The following SACS variants were observed in gnomAD, a reference collection of about 807,000 sequenced individuals.
SACS encodes the protein sacsin.
A neutral mutation model predicts 348.0 loss-of-function variants in SACS; 197 were observed. The observed-to-expected ratio is 0.57, with a 90% CI of 0.50 to 0.64. The LOEUF is 0.64. Among genes scored for constraint, SACS ranks in the 30% least tolerant of loss-of-function variants. The pLI, the probability that SACS is intolerant of heterozygous loss-of-function variation, is 0.00. For synonymous variants in SACS, 1,985 were observed against 1,910.6 expected, an observed-to-expected ratio of 1.04 and a Z score of -1.02; for missense variants, 4,999 against 5,360.8, an observed-to-expected ratio of 0.93 and a Z score of 2.11.
intron 2 of SACS, among the ~76,000 whole-genome samples, chr13:23,403,239 T>C (rs541821919): frequency 3.2e-4 from 49 of 152,244 alleles, no homozygotes; most frequent in Middle Eastern, 3.4e-3. Flanking sequence ...AACTCACGTC[T>C]CTGCCAGGTT....
intron 2 of SACS, among the ~76,000 whole-genome samples, chr13:23,410,662 G>A (rs1207474139): frequency 1.3e-5 from 2 of 151,932 alleles, no homozygotes; most frequent in South Asian, 2.1e-4. Flanking sequence ...GAAATTTAAG[G>A]AATAATTATA....
intron 1 of SACS, among the ~76,000 whole-genome samples, chr13:23,432,707 A>G (rs201553016): frequency 6.6e-6 from 1 of 152,116 alleles, no homozygotes; most frequent in Non-Finnish European, 1.5e-5. Context: ...CCTGTGAATC[A>G]ATTACTTTTA....
At position 23,336,897 on chromosome 13, in the gene SACS, A is replaced by G; in HGVS notation, c.6979T>C (p.Leu2327=). The G allele has an allele frequency of 6.2e-7, 1 of 1,613,634 alleles. No individual in the cohort carries two copies. The highest frequency in any genetic ancestry group is 8.5e-7 in the Non-Finnish European group (1 of 1,179,590). Residue 2327 remains leucine, a synonymous_variant, in exon 10 of 10, where the codon TTG becomes CTG. Transcript: ENST00000382292. ...ATCTTAGTGATTTCATTTTGCATCAAGGCTTCATGAAGGTATTTGTAGCAA... is the reference window on the plus strand; with the variant it reads ...ATCTTAGTGATTTCATTTTGCATCAGGGCTTCATGAAGGTATTTGTAGCAA... ...NACYKYLHEA[L]MQNEITKMSI...
Position 23,341,547 on chromosome 13 carries a change from A to T in SACS, c.2329T>A (p.Ser777Thr). 6.2e-7 allele frequency: 1 copy of T among 1,614,150 alleles called. No individual in the cohort carries two copies. The highest frequency in any genetic ancestry group is 8.5e-7 in the Non-Finnish European group (1 of 1,180,012). Residue 777 changes from serine to threonine, a missense_variant, in exon 10 of 10, where the codon TCA (serine) becomes ACA (threonine). Ser to Thr is a moderately conservative substitution (Grantham distance 58). This residue lies in a region of SACS where 3,156 missense variants were observed against 3,380.1 expected (regional missense o/e 0.93). Coordinates refer to ENST00000382292, the MANE Select transcript of SACS (RefSeq NM_014363.6). ...FDENRNHPSVSWLKMVWKNLY... is the reference protein window; with the variant it reads ...FDENRNHPSVTWLKMVWKNLY... ...TTTTTCCAAACCATCTTAAGCCATG[A>T]AACAGATGGGTGATTTCTGTTTTCA...
Position 23,330,051 on chromosome 13 carries a change from A to C in SACS, c.*85T>G, listed in dbSNP as rs1353757476. ...GCAATGTGCTTAACAATTCCTAGCT[A>C]ATTGGCAATGAAGCTTAATGAAGTA... On this transcript the variant is annotated 3_prime_UTR_variant, in exon 10 of 10. Coordinates refer to ENST00000382292, the MANE Select transcript of SACS (RefSeq NM_014363.6). 1 of 1,201,146 alleles carries C rather than the reference A, an allele frequency of 8.3e-7. No homozygotes were observed. 74.4% of individuals were successfully genotyped at this position (1,201,146 alleles called of 1,614,324 possible).
At chr13:23,360,587 C>G (rs1053074554) in intron 6 of SACS, among the ~76,000 whole-genome samples, 1 of 152,144 alleles carries the variant, frequency 6.6e-6, no homozygotes, top group African/African-American at 2.4e-5. Context: ...CACCTTCCTT[C>G]CCACTGTCAA....
In SACS at chr13:23,338,365, A is replaced by C; in HGVS notation, c.5511T>G (p.Ser1837Arg). The change falls in exon 10 of 10, where the codon AGT becomes AGG. Residue 1837 changes from serine (S) to arginine (R), a missense_variant. Ser to Arg is a moderately radical substitution (Grantham distance 110). Transcript: ENST00000382292. ...GEALKFSLSESGRRLGLVPCG... is the reference protein window; with the variant it reads ...GEALKFSLSERGRRLGLVPCG... ...ATGGAACCAGTCCTAGTCTTCTTCC[A>C]CTCTCACTCAGGGAAAACTTCAGAG... 1 of 1,613,960 alleles carries C rather than the reference A, an allele frequency of 6.2e-7. No individual in the cohort carries two copies. The highest frequency in any genetic ancestry group is 8.5e-7 in the Non-Finnish European group (1 of 1,179,958).
intron 2 of SACS, 150 bp from the exon 3 acceptor site, chr13:23,375,419 C>T: frequency 1.7e-6 from 2 of 1,207,594 alleles, no homozygotes; most frequent in Non-Finnish European, 2.1e-6. Context: ...CGATCACGGC[C>T]GGCCCTACCG....
At chr13:23,376,862 G>A (rs1418090085) in intron 2 of SACS, among the ~76,000 whole-genome samples, 1 of 152,182 alleles carries the variant, frequency 6.6e-6, no homozygotes, top group Non-Finnish European at 1.5e-5. Flanking sequence ...GACCAGCCTG[G>A]CCAACATGGT....
At chr13:23,392,242 A>G (rs535426578) in intron 2 of SACS, among the ~76,000 whole-genome samples, 38 of 152,320 alleles carry the variant, frequency 2.5e-4, no homozygotes, top group African/African-American at 8.4e-4. Context: ...TGTAATGGCC[A>G]AAGACACTTG....
At chr13:23,349,490 ATATTATGTTAAACTATATG>A (rs1869821344) in intron 9 of SACS, among the ~76,000 whole-genome samples, 1 of 152,234 alleles carries the variant, frequency 6.6e-6, no homozygotes, top group South Asian at 2.1e-4. Context: ...TAAGTGCCGG[ATATTATGTTAAACTATATG>A]TATTACGTAT....
intron 2 of SACS, among the ~76,000 whole-genome samples, chr13:23,377,219 A>T (rs965956385): frequency 1.2e-4 from 18 of 152,200 alleles, no homozygotes; most frequent in African/African-American, 4.1e-4. Context: ...CAATGTGCAC[A>T]ATTTTTTGAA....
chr13:23,377,537 C>A (rs998391281), intron 2 of SACS, among the ~76,000 whole-genome samples: 2 of 152,160 alleles, frequency 1.3e-5, no homozygotes, highest in African/African-American at 4.8e-5. Context: ...ATCTTCTTAT[C>A]CTGTCCATGC....
At chr13:23,391,545 A>G (rs1045803772) in intron 2 of SACS, among the ~76,000 whole-genome samples, 3 of 142,084 alleles carry the variant, frequency 2.1e-5, no homozygotes, top group Admixed American at 1.5e-4. Flanking sequence ...TGTCCTTCTC[A>G]GGGAGCTTGC....
At chr13:23,350,903 T>C (rs1364762982) in intron 9 of SACS, among the ~76,000 whole-genome samples, 3 of 152,148 alleles carry the variant, frequency 2.0e-5, no homozygotes, top group African/African-American at 7.2e-5. Context: ...AAGGGACAGA[T>C]GTTTAGTAGG....
rs1046779634 is a variant in SACS, at chr13:23,400,275, G to C, written c.20+10945C>G. ...ATGCCAGAGTGAGACTGAATTGTAA[G>C]TCACAATATATAGGGTCAAATATAA... is the stretch of plus-strand genomic sequence containing the variant. On this transcript the variant is annotated intron_variant, in intron 2 of 9. Transcript: ENST00000382292. Among the ~76,000 whole-genome samples the C allele has an allele frequency of 5.1e-4, 77 of 152,152 alleles. 1 individual carries two copies. The highest frequency in any genetic ancestry group is 1.8e-3 in the African/African-American group (73 of 41,426).
Position 23,333,804 on chromosome 13 carries a change from G to C in SACS, c.10072C>G (p.Pro3358Ala), listed in dbSNP as rs748326824. Residue 3358 changes from proline to alanine, a missense_variant, in exon 10 of 10, where the codon CCC (proline) becomes GCC (alanine). Transcript: ENST00000382292. ...TGTAGAGCCTTCAAGATGCTTGTGG[G>C]GCTCTCTATATTTGCTGTGTGACAT... ...LSCHTANIESPTSILKALHYM... is the reference protein window; with the variant it reads ...LSCHTANIESATSILKALHYM... 16 of 1,613,748 alleles carry C rather than the reference G, an allele frequency of 9.9e-6. No individual in the cohort carries two copies. Among genetic ancestry groups the C allele is most frequent in the Non-Finnish European group, 1.2e-5 (14 of 1,179,812 alleles).
intron 1 of SACS, among the ~76,000 whole-genome samples, chr13:23,430,000 G>C (rs571386252): frequency 1.1e-4 from 16 of 152,180 alleles, no homozygotes; most frequent in African/African-American, 3.1e-4. Context: ...TGGAGATCAG[G>C]AGTTCAGGAC....
At chr13:23,382,479 AT>A (rs1335741591) in intron 2 of SACS, among the ~76,000 whole-genome samples, 1 of 152,208 alleles carries the variant, frequency 6.6e-6, no homozygotes, top group East Asian at 1.9e-4. Flanking sequence ...CTTGATAGAG[AT>A]GCATTGGATA....
Sources: allele counts gnomAD v4.1 joint callset (sites outside exome capture counted in the v4.1 genomes callset), GRCh38; gene constraint gnomAD v4.1.1; regional missense constraint gnomAD v4.1.1; transcripts MANE v1.5; gene names NCBI Gene and HGNC (gene_info 2026-07-23, HGNC 2026-07-21).